SCN7A: variants seen among roughly 807,000 people sequenced by gnomAD.
The protein encoded by SCN7A is sodium voltage-gated channel alpha subunit 7.
A neutral mutation model predicts 155.2 loss-of-function variants in SCN7A; 138 were observed. The observed-to-expected ratio is 0.89, with a 90% CI of 0.77 to 1.02. The LOEUF is 1.02. SCN7A is among the 50% of genes least tolerant of loss of function. SCN7A has a pLI of 0.00. For missense variants in SCN7A, 2,058 were observed against 1,986.6 expected (o/e 1.04, Z -0.68); for synonymous variants, 693 against 649.0 (o/e 1.07, Z -1.03).
At chr2:166,457,323 A>C (rs1702306103) in intron 10 of SCN7A, among the ~76,000 whole-genome samples, 1 of 152,236 alleles carries the variant, frequency 6.6e-6, no homozygotes, top group Non-Finnish European at 1.5e-5. Context: ...AATTTAATTA[A>C]CTTAAGGTAA....
intron 21 of SCN7A, among the ~76,000 whole-genome samples, chr2:166,414,277 TATATATATACACACAC>T (rs1274180153): frequency 0.011 from 374 of 33,064 alleles, 14 homozygotes; most frequent in South Asian, 0.048. Flanking sequence ...CACACATATA[TATATATATACACACAC>T]ATATATATAT....
At chr2:166,432,276 T>C in intron 16 of SCN7A, 42 bp downstream of exon 16, 1 of 1,483,692 alleles carries the variant, frequency 6.7e-7, no homozygotes, top group Non-Finnish European at 9.1e-7. Context: ...TCAACAATAC[T>C]ATAAATCACC....
At chr2:166,487,031 A>C (rs886922115) in intron 1 of SCN7A, 63 bp from the exon 2 acceptor site, 1 of 152,226 alleles carries the variant, frequency 6.6e-6, no homozygotes, top group Non-Finnish European at 1.5e-5. Context: ...TCACTTTTGC[A>C]TGTGGCTCCC....
intron 5 of SCN7A, among the ~76,000 whole-genome samples, chr2:166,473,186 T>TA (rs545483555): frequency 2.3e-4 from 33 of 143,572 alleles, no homozygotes; most frequent in Non-Finnish European, 2.8e-4. Context: ...AAACAAAAAG[T>TA]AAAAAAAAAA....
intron 15 of SCN7A, among the ~76,000 whole-genome samples, chr2:166,437,995 G>T (rs1701874871): frequency 6.6e-6 from 1 of 152,076 alleles, no homozygotes; most frequent in South Asian, 2.1e-4. Flanking sequence ...AAGACTTTGG[G>T]GGACTTTTGG....
Position 166,412,674 on chromosome 2 carries a change from G to A in SCN7A, c.3469-7C>T, listed in dbSNP as rs531435244. ...AATGAGGCTGTATATTAACCTAGAA[G>A]TTTAAAATAAGCAAATTATTGATAT... On this transcript the variant is annotated splice_region_variant and splice_polypyrimidine_tract_variant and intron_variant, in intron 22 of 25. Coordinates refer to ENST00000643258, the MANE Select transcript of SCN7A (RefSeq NM_002976.4). 17 of 1,480,360 alleles carry A rather than the reference G, an allele frequency of 1.1e-5. No homozygotes were observed. In the East Asian group the frequency reaches 4.4e-4, roughly 39 times the overall value. The allele number at this position is 1,480,360 out of a possible 1,614,324, so 91.7% of individuals were successfully genotyped here. A position where few individuals can be genotyped will look rare whatever the true frequency, so the allele number is the denominator to read the frequency against.
Position 166,404,162 on chromosome 2 carries a change from C to T in SCN7A, c.*1418G>A, listed in dbSNP as rs1455551067. 1 of 151,746 alleles carries T rather than the reference C, an allele frequency of 6.6e-6. No homozygotes were observed. The highest frequency in any genetic ancestry group is 2.4e-5 in the African/African-American group (1 of 41,364). The allele number at this position is 151,746 out of a possible 1,614,324, so 9.4% of individuals were successfully genotyped here. A position where few individuals can be genotyped will look rare whatever the true frequency, so the allele number is the denominator to read the frequency against. ...TTTAAATCAATAATATATAAATTTT[C>T]TTTCTGAATCTTTTAGGACTTAGCA... On this transcript the variant is annotated 3_prime_UTR_variant, in exon 26 of 26. Transcript: ENST00000643258.
rs570738109 is a variant in SCN7A at position 166,445,113 on chromosome 2, C to T, written c.1388-113G>A. The T allele has an allele frequency of 1.3e-4, 86 of 640,988 alleles. 1 individual carries two copies. The East Asian group carries it at 1.4e-3, about 10-fold the overall frequency. 39.7% of individuals were successfully genotyped at this position (640,988 alleles called of 1,614,324 possible). A position where few individuals can be genotyped will look rare whatever the true frequency, so the allele number is the denominator to read the frequency against. ...GGTGAATCACTTAAGTTCAGGAGTT[C>T]GAGACCAGCCTGGTCAATATAGTGA... On this transcript the variant is annotated intron_variant, in intron 12 of 25. Coordinates refer to ENST00000643258, the MANE Select transcript of SCN7A (RefSeq NM_002976.4).
chr2:166,470,668 G>A lies in SCN7A; in HGVS notation c.611C>T (p.Thr204Met), dbSNP rs201965369. Residue 204 changes from threonine to methionine, a missense_variant, in exon 7 of 26, where the codon ACG (threonine) becomes ATG (methionine). Thr to Met is a moderately conservative substitution (Grantham distance 81). Coordinates refer to ENST00000643258, the MANE Select transcript of SCN7A (RefSeq NM_002976.4). Reference protein sequence around the residue: ...IRYSPLDFIPTLQTARTLRIL... With the variant: ...IRYSPLDFIPMLQTARTLRIL... ...TCTCAAAGTTCTTGCAGTTTGAAGC[G>A]TTGGAATGAAGTCCAGAGGTGAGTA... The A allele has an allele frequency of 6.3e-5, 102 of 1,608,928 alleles. No individual in the cohort carries two copies. The highest frequency in any genetic ancestry group is 3.3e-4 in the Middle Eastern group (2 of 6,036).
chr2:166,457,800 A>G (rs1702318318), intron 10 of SCN7A, among the ~76,000 whole-genome samples: 2 of 152,224 alleles, frequency 1.3e-5, no homozygotes, highest in Non-Finnish European at 2.9e-5. Context: ...TATAAGTATA[A>G]CATTACAAAT....
chr2:166,480,454 T>C (rs1228463543), intron 2 of SCN7A, among the ~76,000 whole-genome samples: 1 of 104,198 alleles, frequency 9.6e-6, no homozygotes, highest in Non-Finnish European at 2.1e-5. Flanking sequence ...CGAGACTCCG[T>C]CTCAAAAAAA....
At chr2:166,435,305 AT>A (rs1326613917) in intron 15 of SCN7A, among the ~76,000 whole-genome samples, 2 of 152,180 alleles carry the variant, frequency 1.3e-5, no homozygotes, top group Non-Finnish European at 1.5e-5. Context: ...TAATTTGAGC[AT>A]TAACAAAAAA....
At chr2:166,484,888 T>C (rs1029092561) in intron 2 of SCN7A, among the ~76,000 whole-genome samples, 3 of 152,052 alleles carry the variant, frequency 2.0e-5, no homozygotes, top group African/African-American at 4.8e-5. Flanking sequence ...ATATCTCAGA[T>C]GGACATGTCT....
Position 166,472,627 on chromosome 2 carries a change from A to G in SCN7A, c.444-182T>C, listed in dbSNP as rs528577199. On this transcript the variant is annotated intron_variant, in intron 5 of 25. Transcript: ENST00000643258. ...AAATTAGACAACATTCAAGAAAGCA[A>G]GTGCTCCTTGAGCCCTAGCTCAATG... is the stretch of plus-strand genomic sequence containing the variant. Among the ~76,000 whole-genome samples the G allele has an allele frequency of 3.3e-5, 5 of 152,044 alleles. No individual in the cohort carries two copies. In the South Asian group the frequency reaches 1.0e-3, roughly 31 times the overall value.
Position 166,432,331 on chromosome 2 carries a change from C to T in SCN7A, c.2579G>A (p.Gly860Glu), listed in dbSNP as rs763319880. 2 of 1,606,592 alleles carry T rather than the reference C, an allele frequency of 1.2e-6. No homozygotes were observed. Among genetic ancestry groups the T allele is most frequent in the African/African-American group, 1.3e-5 (1 of 74,434 alleles). Residue 860 changes from glycine to glutamate, a missense_variant, in exon 16 of 26, where the codon GGA (glycine) becomes GAA (glutamate). Transcript: ENST00000643258. ...TAAACATCTTACCTCTTTGCTGCCT[C>T]CATCACCAGACTTACTCTGAATCTC... The part of the protein sequence containing the change: ...NKEIQSKSGD[G>E]GSKEKIKQSS...
Position 166,406,557 on chromosome 2 carries a change from G to T in SCN7A, c.4072C>A (p.Arg1358Ser), listed in dbSNP as rs556453626. 1 of 1,612,852 alleles carries T rather than the reference G, an allele frequency of 6.2e-7. No homozygotes were observed. Among genetic ancestry groups the T allele is most frequent in the Non-Finnish European group, 8.5e-7 (1 of 1,179,226 alleles). Residue 1358 changes from arginine (R) to serine (S), a missense_variant, in exon 26 of 26, where the codon CGT becomes AGT. By Grantham distance (110) the Arg-to-Ser change is moderately radical. Transcript: ENST00000643258. Reference sequence around the variant, plus strand: ...AACACCTTTGGTCCTTTTCCAAGACGCAGCATGTGAATGATCCGTGAGAGA... The same window carrying T: ...AACACCTTTGGTCCTTTTCCAAGACTCAGCATGTGAATGATCCGTGAGAGA... ...ILLSRIIHML[R>S]LGKGPKVFHN...
intron 9 of SCN7A, among the ~76,000 whole-genome samples, chr2:166,464,168 GTGTA>G (rs1702476335): frequency 1.3e-5 from 2 of 149,876 alleles, no homozygotes; most frequent in African/African-American, 4.9e-5. Flanking sequence ...ACACATATGT[GTGTA>G]TATATATGTG....
At chr2:166,473,774 T>C (rs770553955) in intron 5 of SCN7A, 25 bp downstream of exon 5, 4 of 704,100 alleles carry the variant, frequency 5.7e-6, no homozygotes, top group Admixed American at 3.0e-5. Context: ...TATGATATTA[T>C]GTATAAAATA....
At chr2:166,416,144 C>G (rs764008194) in intron 21 of SCN7A, among the ~76,000 whole-genome samples, 15 of 152,156 alleles carry the variant, frequency 9.9e-5, no homozygotes, top group Non-Finnish European at 1.8e-4. Flanking sequence ...GATTGGGAAA[C>G]TCCATCCTGG....
Sources: gnomAD v4.1 joint callset for allele counts (sites outside exome capture counted in the v4.1 genomes callset) on GRCh38, gnomAD v4.1.1 for gene constraint, MANE v1.5 for transcripts, NCBI Gene and HGNC (gene_info 2026-07-23, HGNC 2026-07-21) for gene names.